The following TOPAZ1 variants were observed in gnomAD, a reference collection of about 807,000 sequenced individuals.
TOPAZ1 encodes protein TOPAZ1.
In TOPAZ1, 66 loss-of-function variants were observed where a neutral mutation model predicts 172.2. The observed-to-expected ratio is 0.38, with a 90% CI of 0.31 to 0.47. The LOEUF (loss-of-function observed/expected upper bound fraction) is 0.47, where lower values mean the gene tolerates loss of function less well. Ranked by LOEUF, TOPAZ1 falls within the 20% of genes least tolerant of loss-of-function variation. The pLI is 0.99. For synonymous variants in TOPAZ1, 681 were observed against 683.9 expected (o/e 1.00, Z 0.07); for missense variants, 1,822 against 1,972.4 (o/e 0.92, Z 1.44).
intron 19 of TOPAZ1, 127 bp downstream of exon 19, chr3:44,328,560 C>T (rs1032072927): frequency 6.6e-5 from 29 of 442,322 alleles, no homozygotes; most frequent in Admixed American, 3.5e-4. Context: ...TATATATGTA[C>T]TTTATGTGTG....
intron 18 of TOPAZ1, among the ~76,000 whole-genome samples, chr3:44,325,436 A>G (rs1249361251): frequency 6.6e-6 from 1 of 152,202 alleles, no homozygotes; most frequent in Non-Finnish European, 1.5e-5. Flanking sequence ...TCATGCAGCC[A>G]TCACCACCAT....
intron 9 of TOPAZ1, among the ~76,000 whole-genome samples, chr3:44,285,927 G>C (rs1295225204): frequency 6.6e-6 from 1 of 151,902 alleles, no homozygotes; most frequent in Non-Finnish European, 1.5e-5. Flanking sequence ...AACTTAATGA[G>C]GCCAGGTGCA....
At chr3:44,299,285 G>A (rs551182535) in intron 12 of TOPAZ1, among the ~76,000 whole-genome samples, 1 of 151,984 alleles carries the variant, frequency 6.6e-6, no homozygotes, top group East Asian at 1.9e-4. Context: ...TTAGAAAATG[G>A]GAGCTGGACA....
chr3:44,266,028 G>C (rs796565511), intron 5 of TOPAZ1, among the ~76,000 whole-genome samples: 4 of 152,284 alleles, frequency 2.6e-5, no homozygotes, highest in African/African-American at 9.6e-5. Flanking sequence ...ATAACTTGCT[G>C]CAACTTTTCC....
intron 9 of TOPAZ1, among the ~76,000 whole-genome samples, chr3:44,284,370 A>G (rs2125691860): frequency 6.6e-6 from 1 of 152,206 alleles, no homozygotes; most frequent in Non-Finnish European, 1.5e-5. Flanking sequence ...ATTATACAAT[A>G]TTTGTCCTTT....
Position 44,242,305 on chromosome 3 carries a change from G to C in TOPAZ1, c.252G>C (p.Gly84=), listed in dbSNP as rs986811715. The C allele has an allele frequency of 9.0e-6, 14 of 1,551,816 alleles. No homozygotes were observed. Among genetic ancestry groups the C allele is most frequent in the Non-Finnish European group, 8.7e-6 (10 of 1,147,008 alleles). Residue 84 remains glycine (G), a synonymous_variant, in exon 1 of 20, where the codon GGG becomes GGC. Transcript: ENST00000309765. ...AGKAARRQVE[G]RRGPVSPSDS... ...AGGCCGCAAGGCGTCAGGTGGAGGG[G>C]CGCAGGGGCCCGGTGAGCCCGTCAG...
At chr3:44,261,893 A>G (rs1453593441) in intron 4 of TOPAZ1, among the ~76,000 whole-genome samples, 3 of 152,134 alleles carry the variant, frequency 2.0e-5, no homozygotes, top group African/African-American at 7.2e-5. Flanking sequence ...CTGTATTCCT[A>G]GGTATTTTAT....
chr3:44,315,123 G>GGATA (rs765365376), intron 16 of TOPAZ1, among the ~76,000 whole-genome samples: 57 of 151,930 alleles, frequency 3.8e-4, no homozygotes, highest in Non-Finnish European at 8.1e-4. Flanking sequence ...ATGGATGGAT[G>GGATA]GATGGATGGA....
Position 44,243,825 on chromosome 3 carries a change from T to C in TOPAZ1, c.1319T>C (p.Met440Thr). Residue 440 changes from methionine to threonine, a missense_variant, in exon 2 of 20, where the codon ATG becomes ACG. Physicochemically the swap from Met to Thr is moderately conservative, Grantham distance 81. Transcript: ENST00000309765. Reference protein sequence around the residue: ...NASEPLGYESMASKEDFKSMK... With the variant: ...NASEPLGYESTASKEDFKSMK... ...TCAGAGCCGTTAGGTTATGAAAGCATGGCATCGAAAGAGGATTTTAAATCG... is the reference window on the plus strand; with the variant it reads ...TCAGAGCCGTTAGGTTATGAAAGCACGGCATCGAAAGAGGATTTTAAATCG... 1 of 1,551,724 alleles carries C rather than the reference T, an allele frequency of 6.4e-7. No homozygotes were observed. Among genetic ancestry groups the C allele is most frequent in the African/African-American group, 1.4e-5 (1 of 73,134 alleles).
chr3:44,246,319 G>A (rs73086557), intron 2 of TOPAZ1, among the ~76,000 whole-genome samples: 27,646 of 152,024 alleles, frequency 0.18, 2,767 homozygotes, highest in Middle Eastern at 0.3. Context: ...TCCTGAAGCC[G>A]TTATTTATAT....
chr3:44,249,573 G>A (rs555169772), intron 2 of TOPAZ1, among the ~76,000 whole-genome samples: 1 of 152,252 alleles, frequency 6.6e-6, no homozygotes, highest in Non-Finnish European at 1.5e-5. Context: ...CTCAGTAGTG[G>A]CATTGATTTC....
At position 44,267,004 on chromosome 3, in the gene TOPAZ1, T is replaced by G. The variant is rs1307711936; in HGVS notation, c.3028T>G (p.Ser1010Ala). The G allele has an allele frequency of 2.6e-6, 4 of 1,539,212 alleles. No homozygotes were observed. The highest frequency in any genetic ancestry group is 1.2e-5 in the South Asian group (1 of 80,814). Residue 1010 changes from serine (S) to alanine (A), a missense_variant, in exon 6 of 20, where the codon TCT (serine) becomes GCT (alanine). Physicochemically the swap from Ser to Ala is moderately conservative, Grantham distance 99. Around this residue, in one of 2 missense-constraint regions of TOPAZ1, gnomAD observed 1,489 missense variants for 1,490.8 expected, o/e 1.00. Coordinates refer to ENST00000309765, the MANE Select transcript of TOPAZ1 (RefSeq NM_001145030.2). The part of the protein sequence containing the change: ...NIYEVCKSKD[S>A]RNADFMVGEC... ...ATTTTTCCTTTCACACAGCAAAGAT[T>G]CTAGAAATGCAGACTTTATGGTCGG...
At chr3:44,304,153 A>T in intron 13 of TOPAZ1, 72 bp downstream of exon 13, 1 of 902,414 alleles carries the variant, frequency 1.1e-6, no homozygotes, top group Non-Finnish European at 1.7e-6. Flanking sequence ...AGGTTTGAAT[A>T]ATAACCCCAT....
At chr3:44,275,734 T>A (rs1354547250) in intron 8 of TOPAZ1, among the ~76,000 whole-genome samples, 1 of 152,094 alleles carries the variant, frequency 6.6e-6, no homozygotes, top group Non-Finnish European at 1.5e-5. Flanking sequence ...GATTGCTAAA[T>A]CATATGGTAG....
In TOPAZ1 at chr3:44,309,876, T is replaced by C; in HGVS notation, c.4192T>C (p.Leu1398=). The part of the protein sequence containing the change: ...LYELKIHFTS[L]KGLIGPEKLA... ...TGAATTAAAAATACACTTTACAAGT[T>C]TAAAAGGACTTATAGGGCCTGAGAA... Residue 1398 remains leucine (L), a synonymous_variant, in exon 16 of 20, where the codon TTA becomes CTA. Transcript: ENST00000309765. 2 of 1,546,922 alleles carry C rather than the reference T, an allele frequency of 1.3e-6. No individual in the cohort carries two copies. The highest frequency in any genetic ancestry group is 1.7e-6 in the Non-Finnish European group (2 of 1,143,714).
intron 16 of TOPAZ1, among the ~76,000 whole-genome samples, chr3:44,313,542 G>A (rs958171517): frequency 2.6e-5 from 4 of 151,296 alleles, no homozygotes; most frequent in African/African-American, 9.7e-5. Flanking sequence ...GCATGAACCC[G>A]GGAGGCGGAG....
chr3:44,311,915 G>A (rs1700401250), intron 16 of TOPAZ1, among the ~76,000 whole-genome samples: 1 of 152,106 alleles, frequency 6.6e-6, no homozygotes, highest in Non-Finnish European at 1.5e-5. Context: ...TAGAGAAATA[G>A]ACATTCACAG....
rs565877409 is a variant in TOPAZ1 at position 44,284,410 on chromosome 3, G to A, written c.3436+2379G>A. On this transcript the variant is annotated intron_variant, in intron 9 of 19. Transcript: ENST00000309765. ...TCTGGATTATTTCACTTAGCATAATGTCCTCAAGGTTTATCCATATTGTAA... is the reference window on the plus strand; with the variant it reads ...TCTGGATTATTTCACTTAGCATAATATCCTCAAGGTTTATCCATATTGTAA... Among the ~76,000 whole-genome samples the A allele has an allele frequency of 3.9e-5, 6 of 152,240 alleles. No homozygotes were observed. The South Asian group carries it at 1.0e-3, about 26-fold the overall frequency.
Position 44,242,224 on chromosome 3 carries a change from C to G in TOPAZ1, c.171C>G (p.Thr57=), listed in dbSNP as rs1412396595. Residue 57 remains threonine (T), a synonymous_variant, in exon 1 of 20, where the codon ACC becomes ACG. Transcript: ENST00000309765. ...AGAGGAGAATGGTGGCCCGGGCCACCCCTGGGAGAGGCGAGGTGGAAAGTG... is the reference window on the plus strand; with the variant it reads ...AGAGGAGAATGGTGGCCCGGGCCACGCCTGGGAGAGGCGAGGTGGAAAGTG... The part of the protein sequence containing the change: ...KQKRRMVARA[T]PGRGEVESDK... The G allele has an allele frequency of 8.4e-6, 13 of 1,546,524 alleles. No homozygotes were observed. The highest frequency in any genetic ancestry group is 9.6e-6 in the Non-Finnish European group (11 of 1,145,556).
Sources: allele counts gnomAD v4.1 joint callset (sites outside exome capture counted in the v4.1 genomes callset), GRCh38; gene constraint gnomAD v4.1.1; regional missense constraint gnomAD v4.1.1; transcripts MANE v1.5; gene names NCBI Gene and HGNC (gene_info 2026-07-23, HGNC 2026-07-21).